CEP83: variants seen among roughly 807,000 people sequenced by gnomAD.
CEP83 encodes the protein centrosomal protein 83, also known as centrosomal protein of 83 kDa.
Under a neutral mutation model 101.9 loss-of-function variants are expected in CEP83, and 70 were observed. The observed-to-expected ratio is 0.69, with a 90% confidence interval of 0.57 to 0.84. CEP83 has a LOEUF of 0.84. CEP83 is among the 40% of genes least tolerant of loss of function. The pLI, the probability that CEP83 is intolerant of heterozygous loss-of-function variation, is 0.00. For synonymous variants in CEP83, 264 were observed against 267.9 expected (o/e 0.99, Z 0.14); for missense variants, 715 against 787.2 (o/e 0.91, Z 1.10).
rs1357015591 is a variant in CEP83 at position 94,308,855 on chromosome 12, T to C, written c.2064A>G (p.Thr688=). ...CAAGTTCCTCTAGTTGTTTTCTTTG[T>C]GTTGTTTCCAGTTCTTCTAGTCTTT... ...LRKRLEELET[T]QRKQLEELGS... The change falls in exon 17 of 17, where the codon ACA becomes ACG. Residue 688 remains threonine (T), a synonymous_variant. Transcript: ENST00000397809. 2 of 1,613,102 alleles carry C rather than the reference T, an allele frequency of 1.2e-6. No individual in the cohort carries two copies. The highest frequency in any genetic ancestry group is 1.7e-6 in the Non-Finnish European group (2 of 1,179,192).
rs1461883129 is a variant in CEP83, at chr12:94,412,302, G to A, written c.173+16C>T. The A allele has an allele frequency of 1.3e-6, 2 of 1,576,460 alleles. No individual in the cohort carries two copies. Among genetic ancestry groups the A allele is most frequent in the Non-Finnish European group, 1.7e-6 (2 of 1,164,210 alleles). On this transcript the variant is annotated intron_variant, in intron 3 of 16. Coordinates refer to ENST00000397809, the MANE Select transcript of CEP83 (RefSeq NM_016122.3). ...TTTTTAAAACCAAACCCCACTTCTA[G>A]ATTTAAGTAATTTACCTTGTGTGTT...
At chr12:94,333,801 G>T in intron 12 of CEP83, 162 bp from the exon 13 acceptor site, 1 of 598,794 alleles carries the variant, frequency 1.7e-6, no homozygotes, top group Admixed American at 3.4e-5. Flanking sequence ...CAGCACCCAG[G>T]AGCATTTCTT....
downstream of CEP83, chr12:94,306,371 GTA>G (rs1969017563): frequency 6.6e-6 from 1 of 152,112 alleles, no homozygotes; most frequent in African/African-American, 2.4e-5. Context: ...CTTTTTGAAA[GTA>G]TTCCTCGCAG....
chr12:94,425,249 G>A (rs536388958), intron 2 of CEP83, among the ~76,000 whole-genome samples: 1 of 152,258 alleles, frequency 6.6e-6, no homozygotes, highest in African/African-American at 2.4e-5. Context: ...AGCCAAGACT[G>A]CAATCTCAGG....
At chr12:94,303,732 CTTTTTT>C, downstream of CEP83, 69 of 843,346 alleles carry the variant, frequency 8.2e-5, no homozygotes, top group Middle Eastern at 3.2e-4. Flanking sequence ...GTGATGGTTG[CTTTTTT>C]TTTTTTTTTT....
intron 1 of CEP83, among the ~76,000 whole-genome samples, chr12:94,454,772 A>C (rs1035301090): frequency 5.3e-5 from 8 of 151,762 alleles, no homozygotes; most frequent in Non-Finnish European, 8.8e-5. Flanking sequence ...CCACGAACCC[A>C]CCGGGAGGAA....
Position 94,331,656 on chromosome 12 carries a change from G to A in CEP83, c.1707+44C>T, listed in dbSNP as rs548587538. 14 of 1,598,920 alleles carry A rather than the reference G, an allele frequency of 8.8e-6. No homozygotes were observed. In the East Asian group the frequency reaches 2.9e-4, roughly 33 times the overall value. On this transcript the variant is annotated intron_variant, in intron 14 of 16. Transcript: ENST00000397809. The stretch of plus-strand genomic sequence containing the variant: ...CAAAGTGCTGGGATTACAGGTGTGA[G>A]CCACCATGCCTGGCCAGAGATCACT...
At chr12:94,443,150 A>C (rs1306522137) in intron 1 of CEP83, among the ~76,000 whole-genome samples, 2 of 152,186 alleles carry the variant, frequency 1.3e-5, no homozygotes, top group African/African-American at 4.8e-5. Flanking sequence ...ATACAAATTC[A>C]AACATTTTGC....
intron 9 of CEP83, 69 bp downstream of exon 9, chr12:94,369,853 A>G: frequency 1.2e-6 from 1 of 824,498 alleles, no homozygotes; most frequent in Non-Finnish European, 2.0e-6. Flanking sequence ...AGATTCAACT[A>G]TTTTAATAAT....
At chr12:94,277,784 C>T in the CEP83 span, 3 of 364,202 alleles carry the variant, frequency 8.2e-6, no homozygotes, top group Non-Finnish European at 1.6e-5. Context: ...ATTGCCGATA[C>T]TATCATCAAG....
chr12:94,332,240 A>C (rs561021440), intron 13 of CEP83, among the ~76,000 whole-genome samples: 2 of 152,354 alleles, frequency 1.3e-5, no homozygotes, highest in South Asian at 4.1e-4. Context: ...TTGGTTTAAG[A>C]AAATCAAGCC....
At chr12:94,326,352 A>G (rs1292165334) in intron 14 of CEP83, among the ~76,000 whole-genome samples, 1 of 152,174 alleles carries the variant, frequency 6.6e-6, no homozygotes, top group East Asian at 1.9e-4. Flanking sequence ...GCAAATTATC[A>G]AACTGGAGGA....
chr12:94,278,385 CT>C, the CEP83 span, among the ~76,000 whole-genome samples: 1 of 152,226 alleles, frequency 6.6e-6, no homozygotes, highest in Non-Finnish European at 1.5e-5. Flanking sequence ...TGTTTTAGAT[CT>C]ATTTGTTCTT....
At chr12:94,424,734 A>G (rs2065049145) in intron 2 of CEP83, 1 of 1,610,776 alleles carries the variant, frequency 6.2e-7, no homozygotes. Flanking sequence ...ATCTTGCCAT[A>G]TGGCTGACAC....
intron 6 of CEP83, among the ~76,000 whole-genome samples, chr12:94,386,521 T>C (rs1451940307): frequency 1.3e-5 from 2 of 152,162 alleles, no homozygotes; most frequent in Non-Finnish European, 2.9e-5. Flanking sequence ...TGTAGCTCAA[T>C]TTAGGTTTTT....
chr12:94,454,001 G>A lies in CEP83; in HGVS notation c.-155+5556C>T, dbSNP rs1475630181. Among the ~76,000 whole-genome samples, 3 of 152,034 alleles carry A rather than the reference G, an allele frequency of 2.0e-5. No individual in the cohort carries two copies. In the East Asian group the frequency reaches 5.8e-4, roughly 29 times the overall value. ...AGTCCCAGCTACTTGGGAGGCTAAG[G>A]CAGGAGAATCGCTTGAACCCAGGAG... On this transcript the variant is annotated intron_variant, in intron 1 of 16. Coordinates refer to ENST00000397809, the MANE Select transcript of CEP83 (RefSeq NM_016122.3).
At position 94,391,452 on chromosome 12, in the gene CEP83, C is replaced by G. The variant is rs149573822; in HGVS notation, c.549+9398G>C. On this transcript the variant is annotated intron_variant, in intron 6 of 16. Coordinates refer to ENST00000397809, the MANE Select transcript of CEP83 (RefSeq NM_016122.3). ...TCAGAGATTTTTGTCACCACCAAGC[C>G]TCCCTTACAAGAGCTCCTGAAGGAA... 2.1e-3 allele frequency among the ~76,000 whole-genome samples: 326 copies of G among 152,268 alleles called. 1 individual carries two copies. The highest frequency in any genetic ancestry group is 7.4e-3 in the African/African-American group (306 of 41,548).
intron 1 of CEP83, among the ~76,000 whole-genome samples, chr12:94,450,401 G>A (rs1460819979): frequency 3.3e-5 from 5 of 152,040 alleles, no homozygotes; most frequent in South Asian, 4.2e-4. Flanking sequence ...ACAGGTGCCC[G>A]CCACCACTCC....
At chr12:94,420,975 T>C (rs889592149) in intron 2 of CEP83, among the ~76,000 whole-genome samples, 2 of 152,128 alleles carry the variant, frequency 1.3e-5, no homozygotes, top group Non-Finnish European at 2.9e-5. Context: ...ATATGGAGGT[T>C]TGCTTTGTAA....
Sources: gnomAD v4.1 joint callset for allele counts (sites outside exome capture counted in the v4.1 genomes callset) on GRCh38, gnomAD v4.1.1 for gene constraint, MANE v1.5 for transcripts, NCBI Gene and HGNC (gene_info 2026-07-23, HGNC 2026-07-21) for gene names.